The following EHF variants were observed in gnomAD, a reference collection of about 807,000 sequenced individuals.
The protein encoded by EHF is ETS homologous factor, also known as ESE3 transcription factor.
EHF carries 14 observed loss-of-function variants against 45.1 expected under a neutral mutation model. That is an observed-to-expected ratio of 0.31 (90% CI 0.21 to 0.49). EHF has a LOEUF of 0.49. EHF is among the 20% of genes least tolerant of loss of function. The pLI, the probability that EHF is intolerant of heterozygous loss-of-function variation, is 0.99. For synonymous variants in EHF, 136 were observed against 131.8 expected (o/e 1.03, Z -0.22); for missense variants, 282 against 371.4 (o/e 0.76, Z 1.98).
chr11:34,626,403 T>C (rs1852381018), intron 1 of EHF, among the ~76,000 whole-genome samples: 1 of 152,166 alleles, frequency 6.6e-6, no homozygotes, highest in South Asian at 2.1e-4. Flanking sequence ...AGGCTTCTTC[T>C]TAGGAACCTT....
At chr11:34,642,348 G>A (rs117596256) in intron 1 of EHF, 4,431 of 249,350 alleles carry the variant, frequency 0.018, 74 homozygotes, top group Non-Finnish European at 0.021. Context: ...CCTGGGAGCA[G>A]GTATTGCATT....
intron 4 of EHF, among the ~76,000 whole-genome samples, chr11:34,650,198 A>G (rs1855004834): frequency 6.6e-6 from 1 of 152,138 alleles, no homozygotes. Context: ...AAATAACTTG[A>G]TAATTCCTTC....
Position 34,651,535 on chromosome 11 carries a change from T to C in EHF, c.407-7T>C, listed in dbSNP as rs1855169802. 3 of 1,612,540 alleles carry C rather than the reference T, an allele frequency of 1.9e-6. No individual in the cohort carries two copies. The highest frequency in any genetic ancestry group is 1.3e-5 in the African/African-American group (1 of 75,020). ...CGCTGACTATTCTCCTTCTCTATTT[T>C]TTGTAGAGCCTTCCATCATGAACAC... On this transcript the variant is annotated splice_region_variant and splice_polypyrimidine_tract_variant and intron_variant, in intron 4 of 8. Transcript: ENST00000257831.
At chr11:34,657,838 C>A (rs182692463) in intron 7 of EHF, among the ~76,000 whole-genome samples, 1 of 141,892 alleles carries the variant, frequency 7.0e-6, no homozygotes, top group Admixed American at 7.2e-5. Flanking sequence ...ATTAGAATGT[C>A]TTTATCTGCT....
intron 1 of EHF, among the ~76,000 whole-genome samples, chr11:34,629,192 A>C (rs114293306): frequency 0.014 from 2,099 of 152,328 alleles, 55 homozygotes; most frequent in African/African-American, 0.047. Context: ...TTTGAGCTCC[A>C]AAGCTTTCCT....
rs1377495 is a variant in EHF at position 34,661,415 on chromosome 11, G to T, written c.*2484G>T. Reference sequence around the variant, plus strand: ...TTCCAAATTGGCTTTGGCTCTTTCTGCAACCTTTCCATTCAAGAGCAATCT... The same window carrying T: ...TTCCAAATTGGCTTTGGCTCTTTCTTCAACCTTTCCATTCAAGAGCAATCT... On this transcript the variant is annotated 3_prime_UTR_variant, in exon 9 of 9. Transcript: ENST00000257831. Among the ~76,000 whole-genome samples the T allele has an allele frequency of 0.4, 60,377 of 151,982 alleles. 14,032 individuals carry two copies. Among genetic ancestry groups the T allele is most frequent in the Non-Finnish European group, 0.53 (36,233 of 67,944 alleles).
intron 1 of EHF, among the ~76,000 whole-genome samples, chr11:34,637,453 C>A (rs1259896670): frequency 2.0e-5 from 3 of 152,152 alleles, no homozygotes; most frequent in Admixed American, 6.5e-5. Flanking sequence ...AAGTGAGATG[C>A]GGAGGCTGGC....
At chr11:34,624,296 G>C in intron 1 of EHF, 3 of 985,398 alleles carry the variant, frequency 3.0e-6, no homozygotes, top group Non-Finnish European at 3.6e-6. Context: ...AACCGAACGC[G>C]GCGCTGTGGC....
chr11:34,637,833 C>G (rs1853594068), intron 1 of EHF, among the ~76,000 whole-genome samples: 1 of 151,664 alleles, frequency 6.6e-6, no homozygotes, highest in South Asian at 2.1e-4. Flanking sequence ...TTGTTCCTAC[C>G]TATGAAAAAG....
At chr11:34,629,084 C>T (rs1852639387) in intron 1 of EHF, among the ~76,000 whole-genome samples, 2 of 152,180 alleles carry the variant, frequency 1.3e-5, no homozygotes, top group Admixed American at 6.5e-5. Flanking sequence ...GCCCTCTCCT[C>T]ATTTTCATCA....
intron 7 of EHF, among the ~76,000 whole-genome samples, chr11:34,658,138 G>C (rs1287707546): frequency 6.6e-6 from 1 of 152,140 alleles, no homozygotes; most frequent in Non-Finnish European, 1.5e-5. Flanking sequence ...CTGGATAAAA[G>C]TGGTTGAGAG....
chr11:34,624,410 T>C (rs1027380519), intron 1 of EHF: 2 of 616,178 alleles, frequency 3.2e-6, no homozygotes, highest in African/African-American at 4.0e-5. Context: ...TCTTGCTCTA[T>C]AACTGAAAGG....
At chr11:34,652,808 G>T (rs957074171) in intron 6 of EHF, among the ~76,000 whole-genome samples, 1 of 152,158 alleles carries the variant, frequency 6.6e-6, no homozygotes, top group Non-Finnish European at 1.5e-5. Flanking sequence ...TTTTGTTTGG[G>T]TCAAGCCCCT....
intron 2 of EHF, among the ~76,000 whole-genome samples, 158 bp from the exon 3 acceptor site, chr11:34,646,281 A>T (rs915466707): frequency 1.3e-5 from 2 of 151,962 alleles, no homozygotes; most frequent in African/African-American, 4.8e-5. Context: ...GCTAGGGAGG[A>T]CATGAAAATG....
At chr11:34,656,405 A>G (rs1166948184) in intron 6 of EHF, among the ~76,000 whole-genome samples, 2 of 152,134 alleles carry the variant, frequency 1.3e-5, no homozygotes, top group African/African-American at 4.8e-5. Context: ...AAAAAAAAAA[A>G]ACCACAAATT....
intron 1 of EHF, among the ~76,000 whole-genome samples, chr11:34,626,485 G>A (rs1852388814): frequency 6.6e-6 from 1 of 152,160 alleles, no homozygotes; most frequent in Admixed American, 6.5e-5. Context: ...AAAGATGAGA[G>A]CAATTTTCAA....
chr11:34,623,399 T>A (rs1224538613), intron 1 of EHF, among the ~76,000 whole-genome samples: 1 of 152,078 alleles, frequency 6.6e-6, no homozygotes, highest in Non-Finnish European at 1.5e-5. Flanking sequence ...TTGTTTTCAT[T>A]TTTAATCTAT....
chr11:34,632,327 A>C (rs1328996388), intron 1 of EHF: 1 of 593,996 alleles, frequency 1.7e-6, no homozygotes, highest in Non-Finnish European at 2.7e-6. Flanking sequence ...GGAGGTATTC[A>C]GAAGATAACA....
rs1853028232 is a variant in EHF, at chr11:34,632,836, G to GT, written c.-3-9791dup. On this transcript the variant is annotated intron_variant, in intron 1 of 8. Coordinates refer to ENST00000257831, the MANE Select transcript of EHF (RefSeq NM_012153.6). ...CAGCGTCTATGTTTTGTTAACTATT[G>GT]TATCGCCAGCACCTAGCAAAGTGCC... Among the ~76,000 whole-genome samples, 3 of 152,232 alleles carry GT rather than the reference G, an allele frequency of 2.0e-5. No individual in the cohort carries two copies. The South Asian group carries it at 6.2e-4, about 32-fold the overall frequency.
Sources: gnomAD v4.1 joint callset for allele counts (sites outside exome capture counted in the v4.1 genomes callset) on GRCh38, gnomAD v4.1.1 for gene constraint, MANE v1.5 for transcripts, NCBI Gene and HGNC (gene_info 2026-07-23, HGNC 2026-07-21) for gene names.